The following ZNF594 variants were observed in gnomAD, a reference collection of about 807,000 sequenced individuals.
ZNF594 encodes zinc finger protein HZF18.
For missense variants in ZNF594, 1,037 were observed against 964.6 expected, an observed-to-expected ratio of 1.08 and a Z score of -0.99; for synonymous variants, 336 against 309.4, an observed-to-expected ratio of 1.09 and a Z score of -0.90.
At chr17:5,190,283 G>A (rs7221026) in intron 1 of ZNF594, among the ~76,000 whole-genome samples, 2,577 of 152,230 alleles carry the variant, frequency 0.017, 78 homozygotes, top group African/African-American at 0.059. Flanking sequence ...CAGGAGAATC[G>A]CTTGAACCTG....
At chr17:5,177,272 G>A (rs1482053145), downstream of ZNF594, among the ~76,000 whole-genome samples, 1 of 151,500 alleles carries the variant, frequency 6.6e-6, no homozygotes, top group Admixed American at 6.6e-5. Context: ...CTGAGGCAAA[G>A]AGGAAAGACA....
At chr17:5,179,103 C>T (rs1310132777), downstream of ZNF594, among the ~76,000 whole-genome samples, 1 of 151,456 alleles carries the variant, frequency 6.6e-6, no homozygotes, top group Non-Finnish European at 1.5e-5. Context: ...CCAGCAGCAG[C>T]AGGGCAGGCC....
chr17:5,187,004 A>C (rs1255876992), intron 1 of ZNF594, among the ~76,000 whole-genome samples: 1 of 152,206 alleles, frequency 6.6e-6, no homozygotes, highest in East Asian at 1.9e-4. Context: ...TGAGCCCCCC[A>C]GACTGTTCCG....
chr17:5,181,821 C>T lies in ZNF594; in HGVS notation c.*12G>A. The stretch of plus-strand genomic sequence containing the variant: ...TTTATTGCATACGTAAGGTTTTTCT[C>T]CACTGTGAATTCTATGATGTCTCAG... On this transcript the variant is annotated 3_prime_UTR_variant, in exon 2 of 2. Coordinates refer to ENST00000575779, the MANE Select transcript of ZNF594 (RefSeq NM_032530.2). 2 of 1,613,942 alleles carry T rather than the reference C, an allele frequency of 1.2e-6. No individual in the cohort carries two copies. The highest frequency in any genetic ancestry group is 1.7e-6 in the Non-Finnish European group (2 of 1,179,986).
At position 5,188,750 on chromosome 17, in the gene ZNF594, CT is replaced by C. The variant is rs34604391; in HGVS notation, c.-21+2997del. 5.6e-3 allele frequency among the ~76,000 whole-genome samples: 787 copies of C among 140,854 alleles called. 6 individuals are homozygous for C. The highest frequency in any genetic ancestry group is 0.018 in the African/African-American group (670 of 38,190). The allele number at this position is 140,854 out of a possible 152,430, so 92.4% of individuals were successfully genotyped here. A position where few individuals can be genotyped will look rare whatever the true frequency, so the allele number is the denominator to read the frequency against. Reference sequence around the variant, plus strand: ...TACACATTTACATTTAAAATTTTGACTTTTTTTTTTTTTTTGAGATGGAGTC... The same window carrying C: ...TACACATTTACATTTAAAATTTTGACTTTTTTTTTTTTTTGAGATGGAGTC... On this transcript the variant is annotated intron_variant, in intron 1 of 1. Coordinates refer to ENST00000575779, the MANE Select transcript of ZNF594 (RefSeq NM_032530.2).
At position 5,180,835 on chromosome 17, in the gene ZNF594, C is replaced by T. The variant is rs1036733749; in HGVS notation, c.*998G>A. 2.5e-6 allele frequency: 1 copy of T among 405,874 alleles called. No homozygotes were observed. Among genetic ancestry groups the T allele is most frequent in the Non-Finnish European group, 4.6e-6 (1 of 216,564 alleles). 25.1% of individuals were successfully genotyped at this position (405,874 alleles called of 1,614,324 possible). A position where few individuals can be genotyped will look rare whatever the true frequency, so the allele number is the denominator to read the frequency against. On this transcript the variant is annotated 3_prime_UTR_variant, in exon 2 of 2. Coordinates refer to ENST00000575779, the MANE Select transcript of ZNF594 (RefSeq NM_032530.2). Reference sequence around the variant, plus strand: ...CCAGTAGGTATTTTCTCTGCTTTCCCACCTTCCCATGGTTTTTTTCTAATA... The same window carrying T: ...CCAGTAGGTATTTTCTCTGCTTTCCTACCTTCCCATGGTTTTTTTCTAATA...
intron 1 of ZNF594, among the ~76,000 whole-genome samples, chr17:5,188,831 TC>T (rs779165307): frequency 4.7e-5 from 7 of 150,510 alleles, no homozygotes; most frequent in Non-Finnish European, 8.9e-5. Context: ...CACTGCAAGC[TC>T]CGCCTCCCGG....
Position 5,183,797 on chromosome 17 carries a change from G to C in ZNF594, c.460C>G (p.Pro154Ala), listed in dbSNP as rs774647336. Residue 154 changes from proline (P) to alanine (A), a missense_variant, in exon 2 of 2, where the codon CCA (proline) becomes GCA (alanine). Pro to Ala is a conservative substitution (Grantham distance 27). Coordinates refer to ENST00000575779, the MANE Select transcript of ZNF594 (RefSeq NM_032530.2). ...TTCCCACATTCATTACACACATATG[G>C]CTTATTTCCTGTATGAATTCTCTGA... ...IHQRIHTGNK[P>A]YVCNECGKDS... 37 of 1,613,946 alleles carry C rather than the reference G, an allele frequency of 2.3e-5. No homozygotes were observed. The highest frequency in any genetic ancestry group is 3.1e-5 in the Non-Finnish European group (36 of 1,180,026).
rs2144233279 is a variant in ZNF594, at chr17:5,179,888, GTAAACA to G, written c.*1939_*1944del. On this transcript the variant is annotated 3_prime_UTR_variant, in exon 2 of 2. Transcript: ENST00000575779. The stretch of plus-strand genomic sequence containing the variant: ...ATAATTCTTTAATAAATGCAGTTTG[GTAAACA>G]TAATCTTTTAAGACACAGGACATAG... The G allele has an allele frequency of 6.6e-6, 1 of 151,984 alleles. No homozygotes were observed. Among genetic ancestry groups the G allele is most frequent in the African/African-American group, 2.4e-5 (1 of 41,438 alleles). The allele number at this position is 151,984 out of a possible 1,614,324, so 9.4% of individuals were successfully genotyped here. A position where few individuals can be genotyped will look rare whatever the true frequency, so the allele number is the denominator to read the frequency against.
intron 1 of ZNF594, among the ~76,000 whole-genome samples, chr17:5,190,081 C>G: frequency 6.6e-6 from 1 of 152,072 alleles, no homozygotes; most frequent in East Asian, 1.9e-4. Flanking sequence ...AAAGAGCAAA[C>G]ACAGGCCGGG....
chr17:5,188,201 T>G (rs545121935), intron 1 of ZNF594, among the ~76,000 whole-genome samples: 108 of 149,128 alleles, frequency 7.2e-4, no homozygotes, highest in Middle Eastern at 6.8e-3. Context: ...CATATATATA[T>G]AGAGAGAGAG....
chr17:5,176,057 T>C (rs1228335389), downstream of ZNF594, among the ~76,000 whole-genome samples: 10 of 152,232 alleles, frequency 6.6e-5, no homozygotes, highest in Admixed American at 2.0e-4. Context: ...AAGAGTTTAA[T>C]AGTACTCTGT....
At position 5,181,712 on chromosome 17, in the gene ZNF594, T is replaced by A. The variant is rs1397638062; in HGVS notation, c.*121A>T. 1 of 1,582,682 alleles carries A rather than the reference T, an allele frequency of 6.3e-7. No individual in the cohort carries two copies. The highest frequency in any genetic ancestry group is 1.7e-5 in the Admixed American group (1 of 59,986). ...ACCTCTGGCTAAAGACTTTCCCACA[T>A]TCACTACATTCATGAGGTTTCTCTC... On this transcript the variant is annotated 3_prime_UTR_variant, in exon 2 of 2. Transcript: ENST00000575779.
intron 1 of ZNF594, 63 bp from the exon 2 acceptor site, chr17:5,184,339 T>C (rs2074372644): frequency 2.0e-6 from 3 of 1,474,074 alleles, no homozygotes; most frequent in Non-Finnish European, 2.7e-6. Flanking sequence ...TTCATTATAC[T>C]GGGCAGTCTA....
Position 5,180,883 on chromosome 17 carries a change from G to A in ZNF594, c.*950C>T, listed in dbSNP as rs2074334191. ...ATAAAACTCATTTGTAGTGCAATAAGATGTGGTCTCCATCAGACTTTTCCT... is the reference window on the plus strand; with the variant it reads ...ATAAAACTCATTTGTAGTGCAATAAAATGTGGTCTCCATCAGACTTTTCCT... On this transcript the variant is annotated 3_prime_UTR_variant, in exon 2 of 2. Coordinates refer to ENST00000575779, the MANE Select transcript of ZNF594 (RefSeq NM_032530.2). 1.9e-6 allele frequency: 1 copy of A among 530,450 alleles called. No individual in the cohort carries two copies. The highest frequency in any genetic ancestry group is 1.9e-5 in the South Asian group (1 of 53,436). 32.9% of individuals were successfully genotyped at this position (530,450 alleles called of 1,614,324 possible).
Position 5,183,447 on chromosome 17 carries a change from A to AT in ZNF594, c.809dup (p.Tyr270Ter). Residue 270 changes from tyrosine (Y) to a stop codon, truncating the protein, a stop_gained and frameshift_variant, in exon 2 of 2, where the codon TAT becomes TAAT. Coordinates refer to ENST00000575779, the MANE Select transcript of ZNF594 (RefSeq NM_032530.2). LOFTEE classifies it low-confidence loss of function (END_TRUNC). ...TTTGACTGAACATCTGTCCACAGTC[A>AT]TAACATTCATAGGGTTTCTCTCCAG... ...IHTGEKPYEC[Y>*]DCGQMFSQSS... is the part of the protein sequence containing the mutation. 2 of 1,613,972 alleles carry AT rather than the reference A, an allele frequency of 1.2e-6. No homozygotes were observed. Among genetic ancestry groups the AT allele is most frequent in the South Asian group, 1.1e-5 (1 of 91,084 alleles).
Position 5,183,807 on chromosome 17 carries a change from T to A in ZNF594, c.450A>T (p.Thr150=). 1 of 1,614,184 alleles carries A rather than the reference T, an allele frequency of 6.2e-7. No homozygotes were observed. Among genetic ancestry groups the A allele is most frequent in the Middle Eastern group, 1.6e-4 (1 of 6,062 alleles). Residue 150 remains threonine (T), a synonymous_variant, in exon 2 of 2, where the codon ACA becomes ACT. Transcript: ENST00000575779. ...SNLIIHQRIH[T]GNKPYVCNEC... ...CATTACACACATATGGCTTATTTCCTGTATGAATTCTCTGATGTATGATCA... is the reference window on the plus strand; with the variant it reads ...CATTACACACATATGGCTTATTTCCAGTATGAATTCTCTGATGTATGATCA...
chr17:5,191,848 G>T lies in ZNF594; in HGVS notation c.-121C>A, dbSNP rs1251801490. On this transcript the variant is annotated 5_prime_UTR_variant, in exon 1 of 2. Coordinates refer to ENST00000575779, the MANE Select transcript of ZNF594 (RefSeq NM_032530.2). ...GCCACCATCTTGGACCCCGCGCCTG[G>T]GCCAGGCGAGAACTTCCGGTGCGCT... 6.6e-6 allele frequency: 1 copy of T among 152,352 alleles called. No homozygotes were observed. Among genetic ancestry groups the T allele is most frequent in the Middle Eastern group, 3.4e-3 (1 of 294 alleles). 9.4% of individuals were successfully genotyped at this position (152,352 alleles called of 1,614,324 possible). A position where few individuals can be genotyped will look rare whatever the true frequency, so the allele number is the denominator to read the frequency against.
Position 5,182,196 on chromosome 17 carries a change from A to G in ZNF594, c.2061T>C (p.Asn687=), listed in dbSNP as rs567615368. Residue 687 remains asparagine (N), a synonymous_variant, in exon 2 of 2, where the codon AAT becomes AAC. Coordinates refer to ENST00000575779, the MANE Select transcript of ZNF594 (RefSeq NM_032530.2). Reference sequence around the variant, plus strand: ...TAAGGAGGGAACGCCGCCTGAAGGCATTCCCACATTCACTGCACTGATAGG... The same window carrying G: ...TAAGGAGGGAACGCCGCCTGAAGGCGTTCCCACATTCACTGCACTGATAGG... ...EKPYQCSECG[N]AFRRRSLLIQ... 6.2e-7 allele frequency: 1 copy of G among 1,612,262 alleles called. No homozygotes were observed. The highest frequency in any genetic ancestry group is 1.7e-5 in the Admixed American group (1 of 59,902).
Sources: allele counts gnomAD v4.1 joint callset (sites outside exome capture counted in the v4.1 genomes callset), GRCh38; gene constraint gnomAD v4.1.1; transcripts MANE v1.5; gene names NCBI Gene and HGNC (gene_info 2026-07-23, HGNC 2026-07-21).